NPAS1: variants seen among roughly 807,000 people sequenced by gnomAD.
The protein encoded by NPAS1 is neuronal PAS domain protein 1.
Under a neutral mutation model 49.2 loss-of-function variants are expected in NPAS1, and 29 were observed. The ratio of observed to expected loss-of-function variants is 0.59; its 90% confidence interval spans 0.44 to 0.80. The LOEUF (loss-of-function observed/expected upper bound fraction) is 0.80, where lower values mean the gene tolerates loss of function less well. Ranked by LOEUF, NPAS1 falls within the 30% of genes least tolerant of loss-of-function variation. NPAS1 has a pLI of 0.00. For synonymous variants in NPAS1, 408 were observed against 380.4 expected, an observed-to-expected ratio of 1.07 and a Z score of -0.84; for missense variants, 825 against 835.5, an observed-to-expected ratio of 0.99 and a Z score of 0.15.
chr19:47,021,578 C>T lies in NPAS1; in HGVS notation c.123-34C>T. The T allele has an allele frequency of 7.2e-7, 1 of 1,394,494 alleles. No homozygotes were observed. Among genetic ancestry groups the T allele is most frequent in the Non-Finnish European group, 9.4e-7 (1 of 1,063,624 alleles). 86.4% of individuals were successfully genotyped at this position (1,394,494 alleles called of 1,614,324 possible). ...GTTCCCAAGCCCCTGAGCCCCGGGGCCCCGCCGACACCTCCTCCGCGCCGC... is the reference window on the plus strand; with the variant it reads ...GTTCCCAAGCCCCTGAGCCCCGGGGTCCCGCCGACACCTCCTCCGCGCCGC... On this transcript the variant is annotated intron_variant, in intron 2 of 11. Coordinates refer to ENST00000602212, the MANE Select transcript of NPAS1 (RefSeq NM_002517.4). This position sits in a 1 kb window ranked among gnomAD's most constrained non-coding sequence, Gnocchi z 5.7.
intron 11 of NPAS1, among the ~76,000 whole-genome samples, chr19:47,044,636 T>C (rs2057055549): frequency 6.6e-6 from 1 of 152,206 alleles, no homozygotes; most frequent in African/African-American, 2.4e-5. Context: ...ATGTTTATTT[T>C]ACAGCATCCC....
Position 47,021,559 on chromosome 19 carries a change from A to AAGCCCCTG in NPAS1, c.123-46_123-39dup. 7.9e-7 allele frequency: 1 copy of AAGCCCCTG among 1,266,348 alleles called. No homozygotes were observed. Among genetic ancestry groups the AAGCCCCTG allele is most frequent in the Non-Finnish European group, 1.0e-6 (1 of 958,248 alleles). The allele number at this position is 1,266,348 out of a possible 1,614,324, so 78.4% of individuals were successfully genotyped here. ...GAGGCGGGGCTCGCCCCCAGTTCCC[A>AAGCCCCTG]AGCCCCTGAGCCCCGGGGCCCCGCC... is the stretch of plus-strand genomic sequence containing the variant. On this transcript the variant is annotated intron_variant, in intron 2 of 11. Coordinates refer to ENST00000602212, the MANE Select transcript of NPAS1 (RefSeq NM_002517.4). This position sits in a 1 kb window ranked among gnomAD's most constrained non-coding sequence, Gnocchi z 5.7.
In NPAS1 at chr19:47,045,607, T is replaced by A; in HGVS notation, c.1729T>A (p.Tyr577Asn). The change falls in exon 12 of 12, where the codon TAC becomes AAC. Residue 577 changes from tyrosine (Y) to asparagine (N), a missense_variant. Tyr to Asn is a moderately radical substitution (Grantham distance 143). Transcript: ENST00000602212. ...EAFYPPLGLP[Y>N]PGPAGTRLPR... ...CTTTTACCCGCCCCTGGGCCTGCCCTACCCGGGGCCCGCGGGCACCAGGCT... is the reference window on the plus strand; with the variant it reads ...CTTTTACCCGCCCCTGGGCCTGCCCAACCCGGGGCCCGCGGGCACCAGGCT... The A allele has an allele frequency of 6.9e-7, 1 of 1,454,138 alleles. No individual in the cohort carries two copies. The highest frequency in any genetic ancestry group is 1.4e-5 in the South Asian group (1 of 72,108). 90.1% of individuals were successfully genotyped at this position (1,454,138 alleles called of 1,614,324 possible).
intron 3 of NPAS1, among the ~76,000 whole-genome samples, chr19:47,030,840 T>C (rs1599900343): frequency 6.6e-6 from 1 of 151,748 alleles, no homozygotes; most frequent in African/African-American, 2.4e-5. Context: ...AGATGGGGTT[T>C]CATAATGTTG....
chr19:47,044,292 C>T lies in NPAS1; in HGVS notation c.1313-899C>T, dbSNP rs367706672. Among the ~76,000 whole-genome samples, 23 of 152,268 alleles carry T rather than the reference C, an allele frequency of 1.5e-4. 1 individual carries two copies. The South Asian group carries it at 3.7e-3, about 25-fold the overall frequency. On this transcript the variant is annotated intron_variant, in intron 11 of 11. Coordinates refer to ENST00000602212, the MANE Select transcript of NPAS1 (RefSeq NM_002517.4). Reference sequence around the variant, plus strand: ...TTTGCCACGTTGGCCAGGCTGGTCTCGAACTCCTGACCTCAAGTGATTCTC... The same window carrying T: ...TTTGCCACGTTGGCCAGGCTGGTCTTGAACTCCTGACCTCAAGTGATTCTC...
chr19:47,033,235 A>G (rs963514483), intron 5 of NPAS1, among the ~76,000 whole-genome samples: 2 of 143,032 alleles, frequency 1.4e-5, no homozygotes, highest in African/African-American at 5.3e-5. Context: ...GTCCTGGCTG[A>G]TGAGGGCTAT....
rs2057069406 is a variant in NPAS1, at chr19:47,045,529, C to G, written c.1651C>G (p.Leu551Val). ...CCGCTACGGCCCCGCGGAGCTGGGC[C>G]TGGTGTACCCGCACCTGCAGAGGCT... ...TIRYGPAELGLVYPHLQRLGP... is the reference protein window; with the variant it reads ...TIRYGPAELGVVYPHLQRLGP... The change falls in exon 12 of 12, where the codon CTG (leucine) becomes GTG (valine). Residue 551 changes from leucine (L) to valine (V), a missense_variant. Transcript: ENST00000602212. 6.5e-7 allele frequency: 1 copy of G among 1,531,260 alleles called. No homozygotes were observed. The highest frequency in any genetic ancestry group is 1.2e-5 in the South Asian group (1 of 83,920). The allele number at this position is 1,531,260 out of a possible 1,614,324, so 94.9% of individuals were successfully genotyped here. A position where few individuals can be genotyped will look rare whatever the true frequency, so the allele number is the denominator to read the frequency against.
chr19:47,045,656 T>C lies in NPAS1; in HGVS notation c.*5T>C. The stretch of plus-strand genomic sequence containing the variant: ...CTGCCGCGGAAGGGGGACTGAGGAC[T>C]GGCAGAGCTGCCGGCGCCGGACCCT... On this transcript the variant is annotated 3_prime_UTR_variant, in exon 12 of 12. Coordinates refer to ENST00000602212, the MANE Select transcript of NPAS1 (RefSeq NM_002517.4). The C allele has an allele frequency of 7.1e-7, 1 of 1,412,856 alleles. No homozygotes were observed. Among genetic ancestry groups the C allele is most frequent in the Non-Finnish European group, 9.1e-7 (1 of 1,093,872 alleles). The allele number at this position is 1,412,856 out of a possible 1,614,324, so 87.5% of individuals were successfully genotyped here. A position where few individuals can be genotyped will look rare whatever the true frequency, so the allele number is the denominator to read the frequency against.
intron 3 of NPAS1, among the ~76,000 whole-genome samples, 178 bp from the exon 4 acceptor site, chr19:47,032,100 A>T (rs2056909343): frequency 6.6e-6 from 1 of 151,978 alleles, no homozygotes; most frequent in South Asian, 2.1e-4. Context: ...TCTGTCACTC[A>T]CTGTCCCACC....
intron 9 of NPAS1, 146 bp from the exon 10 acceptor site, chr19:47,040,832 T>A (rs1335881856): frequency 1.4e-6 from 1 of 713,604 alleles, no homozygotes; most frequent in African/African-American, 1.8e-5. Context: ...TGCCTCTCTG[T>A]GCTTTCACCT....
intron 5 of NPAS1, 38 bp from the exon 6 acceptor site, chr19:47,035,926 C>T (rs777926125): frequency 2.0e-6 from 3 of 1,475,224 alleles, no homozygotes; most frequent in Non-Finnish European, 2.7e-6. Flanking sequence ...TGCGCGCGCA[C>T]CTCACCCGCC....
intron 3 of NPAS1, among the ~76,000 whole-genome samples, chr19:47,026,952 CAAA>C (rs796473852): frequency 8.4e-6 from 1 of 118,744 alleles, no homozygotes; most frequent in African/African-American, 3.1e-5. Flanking sequence ...GATGCCGTCT[CAAA>C]AAAAAAAAAA....
intron 6 of NPAS1, 82 bp downstream of exon 6, chr19:47,036,211 T>C (rs1164721213): frequency 1.0e-5 from 14 of 1,382,392 alleles, no homozygotes; most frequent in Non-Finnish European, 1.4e-5. Flanking sequence ...CATGCCGCGT[T>C]TATACAAATA....
At chr19:47,031,490 G>A (rs921529640) in intron 3 of NPAS1, among the ~76,000 whole-genome samples, 7 of 150,328 alleles carry the variant, frequency 4.7e-5, no homozygotes, top group African/African-American at 9.8e-5. Flanking sequence ...GAGCCACCTC[G>A]CCCAGCCTGT....
At chr19:47,038,783 C>A (rs1341438004) in intron 6 of NPAS1, among the ~76,000 whole-genome samples, 1 of 151,970 alleles carries the variant, frequency 6.6e-6, no homozygotes. Context: ...GCCAAGATTG[C>A]GCCATTCACT....
At chr19:47,040,942 C>G (rs761555050) in intron 9 of NPAS1, 36 bp from the exon 10 acceptor site, 30 of 1,434,674 alleles carry the variant, frequency 2.1e-5, no homozygotes, top group Non-Finnish European at 2.7e-5. Flanking sequence ...TGTCCCCACC[C>G]CACCCCCTTC....
rs139868234 is a variant in NPAS1 at position 47,042,888 on chromosome 19, G to A, written c.1296G>A (p.Pro432=). Residue 432 remains proline (P), a synonymous_variant, in exon 11 of 12, where the codon CCG becomes CCA. Coordinates refer to ENST00000602212, the MANE Select transcript of NPAS1 (RefSeq NM_002517.4). ...ASVACEEASS[P]GPEPTEPEPP... is the part of the protein sequence containing the mutation. ...TGGCCTGTGAGGAGGCATCCAGCCCGGGGCCAGAGCCCACAGGTGAGCCCC... is the reference window on the plus strand; with the variant it reads ...TGGCCTGTGAGGAGGCATCCAGCCCAGGGCCAGAGCCCACAGGTGAGCCCC... The A allele has an allele frequency of 3.5e-4, 556 of 1,601,006 alleles. No individual in the cohort carries two copies. Among genetic ancestry groups the A allele is most frequent in the Non-Finnish European group, 4.5e-4 (528 of 1,174,136 alleles).
intron 3 of NPAS1, among the ~76,000 whole-genome samples, chr19:47,030,186 G>A (rs2056896641): frequency 6.6e-6 from 1 of 152,014 alleles, no homozygotes; most frequent in African/African-American, 2.4e-5. Flanking sequence ...ACCACGCCCA[G>A]CTAATTTTTA....
At position 47,027,444 on chromosome 19, in the gene NPAS1, T is replaced by G. The variant is rs183349556; in HGVS notation, c.359-4834T>G. 2.2e-3 allele frequency among the ~76,000 whole-genome samples: 244 copies of G among 108,712 alleles called. 3 individuals carry two copies. The highest frequency in any genetic ancestry group is 8.2e-3 in the African/African-American group (223 of 27,180). The allele number at this position is 108,712 out of a possible 152,430, so 71.3% of individuals were successfully genotyped here. On this transcript the variant is annotated intron_variant, in intron 3 of 11. Coordinates refer to ENST00000602212, the MANE Select transcript of NPAS1 (RefSeq NM_002517.4). ...CCCCTCTCTCTGCGCCTGGTCTCCCTTCTCTCTGCCCCTGGTCTCCCGTCT... is the reference window on the plus strand; with the variant it reads ...CCCCTCTCTCTGCGCCTGGTCTCCCGTCTCTCTGCCCCTGGTCTCCCGTCT...
Sources: allele counts gnomAD v4.1 joint callset (sites outside exome capture counted in the v4.1 genomes callset), GRCh38; gene constraint gnomAD v4.1.1; non-coding constraint Gnocchi (gnomAD v3.1); transcripts MANE v1.5; gene names NCBI Gene and HGNC (gene_info 2026-07-23, HGNC 2026-07-21).